Variants in TMEM179 observed in about 807,000 individuals in gnomAD.
TMEM179 encodes the protein transmembrane protein 179A.
A neutral mutation model predicts 22.2 loss-of-function variants in TMEM179; 17 were observed. That is an observed-to-expected ratio of 0.77 (90% CI 0.52 to 1.15). TMEM179 has a LOEUF of 1.15. TMEM179 is among the 50% of genes most tolerant of loss of function. The pLI is 0.00. For missense variants in TMEM179, 265 were observed against 313.6 expected (o/e 0.84, Z 1.17); for synonymous variants, 127 against 140.5 (o/e 0.90, Z 0.68).
intron 3 of TMEM179, chr14:104,594,619 A>G (rs1886956048): frequency 8.2e-7 from 1 of 1,225,906 alleles, no homozygotes; most frequent in African/African-American, 1.6e-5. Flanking sequence ...GGGGGCCACC[A>G]TCGCCCTCCA....
Position 104,591,831 on chromosome 14 carries a change from A to C in TMEM179, c.*1648T>G. On this transcript the variant is annotated 3_prime_UTR_variant, in exon 4 of 4. Coordinates refer to ENST00000556573, the MANE Select transcript of TMEM179 (RefSeq NM_001286389.2). The stretch of plus-strand genomic sequence containing the variant: ...GCAGCAGCAGGGAGCACTTGGCAGC[A>C]CTCGAGCCAAGAAACGGACAGCCCC... 1 of 181,736 alleles carries C rather than the reference A, an allele frequency of 5.5e-6. No homozygotes were observed. The highest frequency in any genetic ancestry group is 2.5e-3 in the Middle Eastern group (1 of 404). 11.3% of individuals were successfully genotyped at this position (181,736 alleles called of 1,614,324 possible).
At chr14:104,603,564 C>CTCACAGAGGGAGTGGGTGGGT (rs1887312372) in intron 1 of TMEM179, among the ~76,000 whole-genome samples, 6 of 69,992 alleles carry the variant, frequency 8.6e-5, no homozygotes, top group African/African-American at 3.2e-4. Flanking sequence ...GGTGGGTGGG[C>CTCACAGAGGGAGTGGGTGGGT]TCACAGAGGG....
In TMEM179 at chr14:104,591,325, T is replaced by C; in HGVS notation, c.*2154A>G. ...GCCTCCTGCCCCTCCTTCAGGGCCC[T>C]AGATGGCTGTGGCCTGGATCAGGGC... On this transcript the variant is annotated 3_prime_UTR_variant, in exon 4 of 4. Coordinates refer to ENST00000556573, the MANE Select transcript of TMEM179 (RefSeq NM_001286389.2). The C allele has an allele frequency of 2.2e-6, 1 of 454,742 alleles. No individual in the cohort carries two copies. Among genetic ancestry groups the C allele is most frequent in the Non-Finnish European group, 4.4e-6 (1 of 226,342 alleles). The allele number at this position is 454,742 out of a possible 1,614,324, so 28.2% of individuals were successfully genotyped here. A position where few individuals can be genotyped will look rare whatever the true frequency, so the allele number is the denominator to read the frequency against.
chr14:104,594,093 G>T, intron 3 of TMEM179: 1 of 1,233,600 alleles, frequency 8.1e-7, no homozygotes, highest in Non-Finnish European at 1.0e-6. Flanking sequence ...CCAAACAGTT[G>T]AAGGAGAAAC....
chr14:104,593,492 C>T lies in TMEM179; in HGVS notation c.689G>A (p.Ser230Asn). ...CCTGCACTGTGCCTAAATGACAGCG[C>T]TCTTCTCCTCTTGGAAGGAGGTGCG... ...SPRTSFQEEK[S>N]AVI Residue 230 changes from serine (S) to asparagine (N), a missense_variant, in exon 4 of 4, where the codon AGC becomes AAC. By Grantham distance (46) the Ser-to-Asn change is conservative. Transcript: ENST00000556573. 1 of 1,536,040 alleles carries T rather than the reference C, an allele frequency of 6.5e-7. No individual in the cohort carries two copies. Among genetic ancestry groups the T allele is most frequent in the South Asian group, 1.2e-5 (1 of 84,052 alleles).
intron 3 of TMEM179, chr14:104,594,597 G>A (rs1193400364): frequency 1.5e-5 from 19 of 1,229,378 alleles, no homozygotes; most frequent in East Asian, 3.2e-5. Flanking sequence ...AGCAAATAGC[G>A]TCCCTCAGAG....
intron 1 of TMEM179, among the ~76,000 whole-genome samples, chr14:104,601,474 G>A (rs952355071): frequency 1.3e-5 from 2 of 152,298 alleles, no homozygotes; most frequent in East Asian, 1.9e-4. Context: ...GTCCCCTGGG[G>A]GGGGACCCAT....
Position 104,593,472 on chromosome 14 carries a change from A to G in TMEM179, c.*7T>C, listed in dbSNP as rs1272816210. ...GTCGGGGCCAGCTCCCCCTGCCTGC[A>G]CTGTGCCTAAATGACAGCGCTCTTC... On this transcript the variant is annotated 3_prime_UTR_variant, in exon 4 of 4. Coordinates refer to ENST00000556573, the MANE Select transcript of TMEM179 (RefSeq NM_001286389.2). 6.5e-7 allele frequency: 1 copy of G among 1,535,876 alleles called. No individual in the cohort carries two copies. Among genetic ancestry groups the G allele is most frequent in the Non-Finnish European group, 8.7e-7 (1 of 1,146,828 alleles).
Position 104,591,166 on chromosome 14 carries a change from A to G in TMEM179, c.*2313T>C. The G allele has an allele frequency of 2.8e-6, 1 of 356,556 alleles. No individual in the cohort carries two copies. 22.1% of individuals were successfully genotyped at this position (356,556 alleles called of 1,614,324 possible). A position where few individuals can be genotyped will look rare whatever the true frequency, so the allele number is the denominator to read the frequency against. On this transcript the variant is annotated 3_prime_UTR_variant, in exon 4 of 4. Transcript: ENST00000556573. Reference sequence around the variant, plus strand: ...AGACAGCCCAGTCCAGGGTGGGTCTATGTCTGCATGCAGCCGAGGATTTCC... The same window carrying G: ...AGACAGCCCAGTCCAGGGTGGGTCTGTGTCTGCATGCAGCCGAGGATTTCC...
rs747517617 is a variant in TMEM179, at chr14:104,593,517, G to A, written c.664C>T (p.Arg222Cys). The change falls in exon 4 of 4, where the codon CGC becomes TGC. Residue 222 changes from arginine to cysteine, a missense_variant. Arg to Cys is a radical substitution (Grantham distance 180, BLOSUM62 -3). Coordinates refer to ENST00000556573, the MANE Select transcript of TMEM179 (RefSeq NM_001286389.2). ...KELLLARPSP[R>C]TSFQEEKSAV... ...CTCTTCTCCTCTTGGAAGGAGGTGC[G>A]TGGGGACGGCCGGGCCAGCAGCAGC... The A allele has an allele frequency of 2.1e-5, 33 of 1,535,690 alleles. No homozygotes were observed. The highest frequency in any genetic ancestry group is 1.7e-4 in the Middle Eastern group (1 of 6,012).
Position 104,595,261 on chromosome 14 carries a change from A to G in TMEM179, c.444-18T>C. The G allele has an allele frequency of 6.2e-7, 1 of 1,606,752 alleles. No homozygotes were observed. Among genetic ancestry groups the G allele is most frequent in the South Asian group, 1.1e-5 (1 of 90,244 alleles). On this transcript the variant is annotated intron_variant, in intron 2 of 3. Coordinates refer to ENST00000556573, the MANE Select transcript of TMEM179 (RefSeq NM_001286389.2). This position sits in a 1 kb window ranked among gnomAD's most constrained non-coding sequence, Gnocchi z 5.7. ...CTTCACAGCTAAAACAGCAGGACAT[A>G]GGGTGGAGGGTGACCACCAGGACAG...
Position 104,592,792 on chromosome 14 carries a change from T to C in TMEM179, c.*687A>G, listed in dbSNP as rs569929687. Among the ~76,000 whole-genome samples the C allele has an allele frequency of 6.6e-6, 1 of 152,000 alleles. No individual in the cohort carries two copies. The highest frequency in any genetic ancestry group is 1.5e-5 in the Non-Finnish European group (1 of 67,976). On this transcript the variant is annotated 3_prime_UTR_variant, in exon 4 of 4. Transcript: ENST00000556573. The stretch of plus-strand genomic sequence containing the variant: ...CTATGTGGTACGTGTGCCCCCGAAA[T>C]CCCCAACCAGATGATGCCCCCGATT...
intron 3 of TMEM179, chr14:104,594,770 C>A (rs970720012): frequency 8.7e-7 from 1 of 1,145,628 alleles, no homozygotes; most frequent in Non-Finnish European, 1.1e-6. Context: ...AAGCCTCCAG[C>A]TCTGATCTGA....
At chr14:104,596,831 C>T (rs1289958345) in intron 2 of TMEM179, among the ~76,000 whole-genome samples, 159 bp downstream of exon 2, 1 of 152,136 alleles carries the variant, frequency 6.6e-6, no homozygotes, top group Non-Finnish European at 1.5e-5. Context: ...AGGGAAGGGG[C>T]TGCACAGGTA....
At chr14:104,594,233 T>C (rs1886940880) in intron 3 of TMEM179, 2 of 1,231,672 alleles carry the variant, frequency 1.6e-6, no homozygotes, top group Non-Finnish European at 2.0e-6. Context: ...CTCACTAAAT[T>C]TGCATGAAGG....
intron 1 of TMEM179, among the ~76,000 whole-genome samples, chr14:104,600,825 G>A (rs1476978550): frequency 1.3e-5 from 2 of 152,204 alleles, no homozygotes; most frequent in South Asian, 2.1e-4. Context: ...AGCTCTGGAC[G>A]TGCCATGTGC....
intron 3 of TMEM179, chr14:104,594,105 AT>A: frequency 8.1e-7 from 1 of 1,233,452 alleles, no homozygotes; most frequent in Non-Finnish European, 1.0e-6. Flanking sequence ...AGGAGAAACA[AT>A]TTAATCAGAA....
chr14:104,594,130 A>G (rs1886935478), intron 3 of TMEM179: 2 of 1,231,948 alleles, frequency 1.6e-6, no homozygotes, highest in Admixed American at 4.2e-5. Flanking sequence ...GGCCTGAGCT[A>G]CATTAAGCTG....
chr14:104,604,724 G>T lies in TMEM179; in HGVS notation c.18C>A (p.Phe6Leu), dbSNP rs1167979920. Residue 6 changes from phenylalanine (F) to leucine (L), a missense_variant, in exon 1 of 4, where the codon TTC becomes TTA. Physicochemically the swap from Phe to Leu is conservative, Grantham distance 22 (BLOSUM62 0). Coordinates refer to ENST00000556573, the MANE Select transcript of TMEM179 (RefSeq NM_001286389.2). This position sits in a 1 kb window ranked among gnomAD's most constrained non-coding sequence, Gnocchi z 4.6. MALNN[F>L]LFAQCACYFL... The stretch of plus-strand genomic sequence containing the variant: ...AGTAGCAGGCGCACTGAGCGAAAAG[G>T]AAATTGTTGAGCGCCATGGCCGGCC... 7.0e-6 allele frequency: 11 copies of T among 1,578,550 alleles called. No homozygotes were observed. Among genetic ancestry groups the T allele is most frequent in the South Asian group, 1.1e-5 (1 of 88,234 alleles).
Sources: gnomAD v4.1 joint callset for allele counts (sites outside exome capture counted in the v4.1 genomes callset) on GRCh38, gnomAD v4.1.1 for gene constraint, Gnocchi (gnomAD v3.1) non-coding constraint, MANE v1.5 for transcripts, NCBI Gene and HGNC (gene_info 2026-07-23, HGNC 2026-07-21) for gene names.